Variants in FUT8 observed in about 807,000 individuals in gnomAD.
FUT8 encodes the protein alpha-(1,6)-fucosyltransferase.
In FUT8, 29 loss-of-function variants were observed where a neutral mutation model predicts 71.3. That is an observed-to-expected ratio of 0.41 (90% CI 0.30 to 0.55). The LOEUF (loss-of-function observed/expected upper bound fraction) is 0.55. Ranked by LOEUF, FUT8 falls within the 20% of genes least tolerant of loss-of-function variation. The pLI is 0.34. For synonymous variants in FUT8, 254 were observed against 239.3 expected (o/e 1.06, Z -0.57); for missense variants, 544 against 702.1 (o/e 0.77, Z 2.55).
intron 10 of FUT8, among the ~76,000 whole-genome samples, chr14:65,735,642 C>T (rs1352622902): frequency 6.6e-6 from 1 of 152,054 alleles, no homozygotes; most frequent in Non-Finnish European, 1.5e-5. Flanking sequence ...AAAAGTTTAA[C>T]AGTAGAAATA....
At chr14:65,505,184 C>A (rs879439199) in intron 2 of FUT8, among the ~76,000 whole-genome samples, 2 of 151,850 alleles carry the variant, frequency 1.3e-5, no homozygotes, top group Non-Finnish European at 2.9e-5. Context: ...AACCACTTGA[C>A]CTGATTAGTC....
At chr14:65,439,626 A>C (rs921059752) in intron 1 of FUT8, among the ~76,000 whole-genome samples, 2 of 152,088 alleles carry the variant, frequency 1.3e-5, no homozygotes, top group Non-Finnish European at 2.9e-5. Context: ...TCAGTTATTC[A>C]AACAAATTAC....
chr14:65,635,890 G>T (rs1890525210), intron 6 of FUT8, among the ~76,000 whole-genome samples: 1 of 152,074 alleles, frequency 6.6e-6, no homozygotes, highest in African/African-American at 2.4e-5. Flanking sequence ...CTGTCTTGTG[G>T]ACTAGTATCG....
intron 2 of FUT8, among the ~76,000 whole-genome samples, chr14:65,524,780 T>C (rs1001145414): frequency 3.9e-5 from 6 of 152,208 alleles, no homozygotes; most frequent in African/African-American, 1.4e-4. Flanking sequence ...GTTTTTAGCA[T>C]GCAGAGTTGT....
intron 2 of FUT8, among the ~76,000 whole-genome samples, chr14:65,522,668 A>G (rs573946807): frequency 6.3e-4 from 96 of 151,942 alleles, no homozygotes; most frequent in African/African-American, 2.2e-3. Context: ...GGTGTGCTGC[A>G]CCCATTAACT....
chr14:65,541,577 C>G (rs1884681590), intron 2 of FUT8, among the ~76,000 whole-genome samples: 1 of 152,184 alleles, frequency 6.6e-6, no homozygotes, highest in African/African-American at 2.4e-5. Flanking sequence ...CACCCATCCT[C>G]AACCTTTTTG....
chr14:65,370,605 A>G, the FUT8 span, among the ~76,000 whole-genome samples: 2 of 150,054 alleles, frequency 1.3e-5, no homozygotes, highest in Non-Finnish European at 3.0e-5. Flanking sequence ...AAGTATATGT[A>G]TAACTATAAC....
chr14:65,669,495 C>T lies in FUT8; in HGVS notation c.835+15C>T. Reference sequence around the variant, plus strand: ...ACACTGGTCAGGTAAGGAGCTTGTGCAGCATATGAGATCTCTGGGCTGTTT... The same window carrying T: ...ACACTGGTCAGGTAAGGAGCTTGTGTAGCATATGAGATCTCTGGGCTGTTT... On this transcript the variant is annotated intron_variant, in intron 7 of 10. Transcript: ENST00000673929. This position sits in a 1 kb window ranked among gnomAD's most constrained non-coding sequence, Gnocchi z 4.5. 4 of 1,562,180 alleles carry T rather than the reference C, an allele frequency of 2.6e-6. No homozygotes were observed. Among genetic ancestry groups the T allele is most frequent in the Non-Finnish European group, 3.5e-6 (4 of 1,133,170 alleles).
chr14:65,725,531 A>T (rs1594940823), intron 9 of FUT8, among the ~76,000 whole-genome samples: 1 of 152,306 alleles, frequency 6.6e-6, no homozygotes, highest in East Asian at 1.9e-4. Context: ...AGAAAATTCT[A>T]GTCTTAGTTC....
Position 65,649,657 on chromosome 14 carries a change from C to A in FUT8, c.598-19586C>A, listed in dbSNP as rs140126227. ...TTCAGTATTCAAAGCCTACACACTA[C>A]AGAGGCTTTGAATAATCTCCTTAAG... is the stretch of plus-strand genomic sequence containing the variant. On this transcript the variant is annotated intron_variant, in intron 6 of 10. Coordinates refer to ENST00000673929, the MANE Select transcript of FUT8 (RefSeq NM_001371533.1). 7.9e-3 allele frequency among the ~76,000 whole-genome samples: 1,201 copies of A among 152,272 alleles called. 10 individuals are homozygous for A. The highest frequency in any genetic ancestry group is 0.012 in the Non-Finnish European group (783 of 68,014).
At chr14:65,414,271 T>C (rs2139353956) in intron 1 of FUT8, among the ~76,000 whole-genome samples, 1 of 152,272 alleles carries the variant, frequency 6.6e-6, no homozygotes, top group Non-Finnish European at 1.5e-5. Context: ...GGTTTCATTA[T>C]AGATTTTTTT....
At chr14:65,677,124 G>GTT (rs1566890216) in intron 7 of FUT8, among the ~76,000 whole-genome samples, 4 of 100,630 alleles carry the variant, frequency 4.0e-5, no homozygotes, top group African/African-American at 1.3e-4. Flanking sequence ...TTGTGTGTGT[G>GTT]TGTGTGTGTG....
the FUT8 span, among the ~76,000 whole-genome samples, chr14:65,380,149 CA>C: frequency 7.9e-5 from 12 of 152,206 alleles, no homozygotes; most frequent in African/African-American, 2.9e-4. Flanking sequence ...TACATTTCTA[CA>C]TGGCTGGGGA....
At chr14:65,633,540 C>T (rs1217719942) in intron 6 of FUT8, among the ~76,000 whole-genome samples, 4 of 149,058 alleles carry the variant, frequency 2.7e-5, no homozygotes, top group Admixed American at 6.7e-5. Context: ...GTGAGGAGCG[C>T]CTCTTCCCGG....
intron 2 of FUT8, among the ~76,000 whole-genome samples, chr14:65,469,486 A>G (rs1057460496): frequency 1.4e-5 from 2 of 144,652 alleles, no homozygotes; most frequent in African/African-American, 4.9e-5. Flanking sequence ...TTTTCTGTCT[A>G]GAAACCTCTG....
chr14:65,592,649 G>C (rs761862516), intron 3 of FUT8, among the ~76,000 whole-genome samples: 1 of 152,158 alleles, frequency 6.6e-6, no homozygotes. Flanking sequence ...GAGTAGGACA[G>C]TTTATCTTCT....
intron 3 of FUT8, among the ~76,000 whole-genome samples, chr14:65,596,150 G>T (rs1485720515): frequency 6.6e-6 from 1 of 152,170 alleles, no homozygotes; most frequent in Non-Finnish European, 1.5e-5. Context: ...TTCAGGCTCT[G>T]TGGGGTTTTT....
chr14:65,701,448 T>C (rs1894290769), intron 7 of FUT8, among the ~76,000 whole-genome samples: 1 of 152,236 alleles, frequency 6.6e-6, no homozygotes, highest in South Asian at 2.1e-4. Context: ...TTTTCCTTCA[T>C]GGAAAGCTTA....
chr14:65,429,007 C>G (rs2065429075), intron 1 of FUT8, among the ~76,000 whole-genome samples: 1 of 152,098 alleles, frequency 6.6e-6, no homozygotes, highest in South Asian at 2.1e-4. Context: ...AGGTTATAAA[C>G]TAGGAAAACA....
Sources: gnomAD v4.1 joint callset for allele counts (sites outside exome capture counted in the v4.1 genomes callset) on GRCh38, gnomAD v4.1.1 for gene constraint, Gnocchi (gnomAD v3.1) non-coding constraint, MANE v1.5 for transcripts, NCBI Gene and HGNC (gene_info 2026-07-23, HGNC 2026-07-21) for gene names.